The following RNF111 variants were observed in gnomAD, a reference collection of about 807,000 sequenced individuals.
The protein encoded by RNF111 is E3 ubiquitin-protein ligase Arkadia.
A neutral mutation model predicts 95.1 loss-of-function variants in RNF111; 17 were observed. That is an observed-to-expected ratio of 0.18 (90% CI 0.12 to 0.27). RNF111 has a LOEUF of 0.27. Among genes scored for constraint, RNF111 ranks in the 10% least tolerant of loss-of-function variants. The pLI is 1.00. For missense variants in RNF111, 1,189 were observed against 1,210.4 expected (o/e 0.98, Z 0.26); for synonymous variants, 440 against 414.8 (o/e 1.06, Z -0.74).
chr15:59,082,744 C>T (rs1386257838), intron 8 of RNF111, among the ~76,000 whole-genome samples: 3 of 152,168 alleles, frequency 2.0e-5, no homozygotes, highest in African/African-American at 7.2e-5. Flanking sequence ...TTCACATAAC[C>T]TGTTTGCCAA....
At chr15:58,995,143 C>G (rs1297304173) in intron 1 of RNF111, among the ~76,000 whole-genome samples, 4 of 152,226 alleles carry the variant, frequency 2.6e-5, no homozygotes, top group Non-Finnish European at 2.9e-5. Flanking sequence ...TCAGATCATC[C>G]TGTTCCTCAT....
intron 1 of RNF111, among the ~76,000 whole-genome samples, chr15:58,988,864 G>C (rs1232279445): frequency 6.6e-6 from 1 of 152,188 alleles, no homozygotes; most frequent in African/African-American, 2.4e-5. Context: ...GAATTCTCTT[G>C]AATGGTAAGA....
chr15:59,083,377 A>G (rs2078804119), intron 8 of RNF111, among the ~76,000 whole-genome samples: 4 of 152,046 alleles, frequency 2.6e-5, no homozygotes, highest in African/African-American at 9.7e-5. Context: ...GGCCCATCTC[A>G]AAATACAAAA....
intron 10 of RNF111, among the ~76,000 whole-genome samples, chr15:59,086,961 A>C (rs2078917583): frequency 6.6e-6 from 1 of 152,208 alleles, no homozygotes; most frequent in Non-Finnish European, 1.5e-5. Flanking sequence ...AGAAGAGGTA[A>C]ATATTGATGA....
At chr15:59,021,651 G>T (rs907545379) in intron 1 of RNF111, among the ~76,000 whole-genome samples, 1 of 152,056 alleles carries the variant, frequency 6.6e-6, no homozygotes, top group African/African-American at 2.4e-5. Flanking sequence ...CAATTTTATA[G>T]ACTAAAAACA....
rs752610664 is a variant in RNF111, at chr15:59,031,417, A to G, written c.595A>G (p.Arg199Gly). Residue 199 changes from arginine (R) to glycine (G), a missense_variant, in exon 2 of 14, where the codon AGA becomes GGA. Arg to Gly is a moderately radical substitution (Grantham distance 125). Coordinates refer to ENST00000348370, the MANE Select transcript of RNF111 (RefSeq NM_017610.8). ...TESVSGLLMK[R>G]PCLHGSSLRR... Reference sequence around the variant, plus strand: ...ATCTGTATCGGGATTGTTAATGAAAAGACCCTGTTTACATGGCAGTTCGTT... The same window carrying G: ...ATCTGTATCGGGATTGTTAATGAAAGGACCCTGTTTACATGGCAGTTCGTT... 5.6e-6 allele frequency: 9 copies of G among 1,614,252 alleles called. No homozygotes were observed. Among genetic ancestry groups the G allele is most frequent in the African/African-American group, 1.3e-5 (1 of 75,056 alleles).
At chr15:59,073,058 G>C (rs1405735288) in intron 6 of RNF111, among the ~76,000 whole-genome samples, 9 of 152,084 alleles carry the variant, frequency 5.9e-5, no homozygotes, top group African/African-American at 2.2e-4. Flanking sequence ...TGTGGTCCTA[G>C]CTACTTGGGA....
chr15:59,052,305 G>C lies in RNF111; in HGVS notation c.881G>C (p.Gly294Ala). The C allele has an allele frequency of 2.6e-6, 4 of 1,559,852 alleles. No homozygotes were observed. The highest frequency in any genetic ancestry group is 3.5e-6 in the Non-Finnish European group (4 of 1,157,976). Residue 294 changes from glycine (G) to alanine (A), a missense_variant and splice_region_variant, in exon 3 of 14, where the codon GGA becomes GCA. Gly to Ala is a moderately conservative substitution (Grantham distance 60). This residue lies in a region of RNF111 where 1,024 missense variants were observed against 925.9 expected (regional missense o/e 1.11). Coordinates refer to ENST00000348370, the MANE Select transcript of RNF111 (RefSeq NM_017610.8). ...NHQNNPAVPS[G>A]SIDEDVVVIE... ...AAATGTTTTTTCTTTTTGTTTCCAG[G>C]AAGTATTGATGAAGATGTTGTGGTG...
At chr15:59,027,115 T>C (rs1202003012) in intron 1 of RNF111, among the ~76,000 whole-genome samples, 1 of 152,250 alleles carries the variant, frequency 6.6e-6, no homozygotes, top group Non-Finnish European at 1.5e-5. Context: ...AGAATTTGTC[T>C]GGTTTTTGGC....
chr15:58,990,518 T>C (rs1439310405), intron 1 of RNF111, among the ~76,000 whole-genome samples: 10 of 152,138 alleles, frequency 6.6e-5, no homozygotes, highest in African/African-American at 2.2e-4. Flanking sequence ...AGCTTAGTGG[T>C]GTGCGCCTGT....
At chr15:59,027,220 A>G (rs1009116294) in intron 1 of RNF111, among the ~76,000 whole-genome samples, 5 of 151,950 alleles carry the variant, frequency 3.3e-5, no homozygotes, top group African/African-American at 1.2e-4. Context: ...GCCCATAAAG[A>G]CTCCAAGATC....
intron 6 of RNF111, among the ~76,000 whole-genome samples, chr15:59,073,208 C>T (rs986550126): frequency 6.6e-6 from 1 of 152,108 alleles, no homozygotes; most frequent in African/African-American, 2.4e-5. Context: ...CAGTGGCTGA[C>T]TTCTGTAATC....
chr15:59,062,306 G>A (rs1335202336), intron 5 of RNF111, among the ~76,000 whole-genome samples: 2 of 152,140 alleles, frequency 1.3e-5, no homozygotes, highest in African/African-American at 4.8e-5. Context: ...GCTTTCCAAA[G>A]TGTTGGGATT....
chr15:59,046,333 G>A (rs1359338513), intron 2 of RNF111, among the ~76,000 whole-genome samples: 1 of 151,470 alleles, frequency 6.6e-6, no homozygotes, highest in Non-Finnish European at 1.5e-5. Context: ...AGCTGGTACT[G>A]CAGGCACATG....
At chr15:59,055,110 A>T (rs1240896133) in intron 3 of RNF111, among the ~76,000 whole-genome samples, 1 of 152,224 alleles carries the variant, frequency 6.6e-6, no homozygotes, top group East Asian at 1.9e-4. Context: ...AAACTAGCTC[A>T]CGCAAGTAAT....
intron 1 of RNF111, among the ~76,000 whole-genome samples, chr15:59,000,326 G>A (rs1012450369): frequency 6.6e-6 from 1 of 151,876 alleles, no homozygotes; most frequent in African/African-American, 2.4e-5. Context: ...ACCACACTTG[G>A]CTCATTTTTC....
At chr15:59,071,698 A>AT (rs1285647477) in intron 6 of RNF111, among the ~76,000 whole-genome samples, 3 of 151,956 alleles carry the variant, frequency 2.0e-5, no homozygotes, top group Admixed American at 2.0e-4. Flanking sequence ...CGCAAAAAAA[A>AT]AAAAAAATAA....
chr15:59,042,327 A>G (rs576520230), intron 2 of RNF111, among the ~76,000 whole-genome samples: 169 of 152,160 alleles, frequency 1.1e-3, no homozygotes, highest in Non-Finnish European at 2.1e-3. Flanking sequence ...AGGTTTTGCC[A>G]TGTTGCCCAG....
chr15:59,072,071 C>T (rs1689467367), intron 6 of RNF111, among the ~76,000 whole-genome samples: 1 of 152,142 alleles, frequency 6.6e-6, no homozygotes, highest in Non-Finnish European at 1.5e-5. Context: ...TTTAAAAATA[C>T]TTTATTGCTA....
Sources: gnomAD v4.1 joint callset for allele counts (sites outside exome capture counted in the v4.1 genomes callset) on GRCh38, gnomAD v4.1.1 for gene constraint, gnomAD v4.1.1 regional missense constraint, MANE v1.5 for transcripts, NCBI Gene and HGNC (gene_info 2026-07-23, HGNC 2026-07-21) for gene names.